KLHL28: variants seen among roughly 807,000 people sequenced by gnomAD.
The protein encoded by KLHL28 is kelch like family member 28, also known as kelch-like protein 28.
Under a neutral mutation model 48.3 loss-of-function variants are expected in KLHL28, and 22 were observed. The ratio of observed to expected loss-of-function variants is 0.46; its 90% CI spans 0.33 to 0.65. KLHL28 has a LOEUF of 0.65. Among genes scored for constraint, KLHL28 ranks in the 30% least tolerant of loss-of-function variants. KLHL28 has a pLI of 0.03. For missense variants in KLHL28, 527 were observed against 704.3 expected (o/e 0.75, Z 2.85); for synonymous variants, 243 against 242.4 (o/e 1.00, Z -0.02).
At chr14:44,937,124 ATTGTTTTTTTTGT>A (rs1566565754) in intron 2 of KLHL28, among the ~76,000 whole-genome samples, 1 of 151,306 alleles carries the variant, frequency 6.6e-6, no homozygotes, top group East Asian at 1.9e-4. Flanking sequence ...TCAGAATTGA[ATTGTTTTTTTTGT>A]TTGTTTTTTT....
chr14:44,960,957 A>C, intron 1 of KLHL28: 1 of 1,418,574 alleles, frequency 7.0e-7, no homozygotes. Context: ...GATAACTTAG[A>C]CTTTTCGCAC....
chr14:44,929,452 C>A (rs1883493081), intron 4 of KLHL28, among the ~76,000 whole-genome samples: 1 of 152,140 alleles, frequency 6.6e-6, no homozygotes, highest in African/African-American at 2.4e-5. Flanking sequence ...ATCCACATAA[C>A]TTTTATTACA....
At position 44,925,349 on chromosome 14, in the gene KLHL28, T is replaced by C. The variant is rs1426302858; in HGVS notation, c.*3679A>G. On this transcript the variant is annotated 3_prime_UTR_variant, in exon 5 of 5. Transcript: ENST00000396128. ...GTCTTGATACTACAGGAAATATATATATTTAAAATTTCTATAGTTTTCTTA... is the reference window on the plus strand; with the variant it reads ...GTCTTGATACTACAGGAAATATATACATTTAAAATTTCTATAGTTTTCTTA... 6.6e-6 allele frequency: 1 copy of C among 152,156 alleles called. No homozygotes were observed. The highest frequency in any genetic ancestry group is 2.4e-5 in the African/African-American group (1 of 41,468). The allele number at this position is 152,156 out of a possible 1,614,324, so 9.4% of individuals were successfully genotyped here. A position where few individuals can be genotyped will look rare whatever the true frequency, so the allele number is the denominator to read the frequency against.
chr14:44,935,173 T>C (rs1883756271), intron 2 of KLHL28, among the ~76,000 whole-genome samples: 1 of 152,180 alleles, frequency 6.6e-6, no homozygotes, highest in South Asian at 2.1e-4. Flanking sequence ...TACATGTCGC[T>C]GGGGGAATCT....
At chr14:44,931,143 G>A (rs1472570549) in intron 4 of KLHL28, among the ~76,000 whole-genome samples, 190 bp downstream of exon 4, 1 of 151,260 alleles carries the variant, frequency 6.6e-6, no homozygotes, top group Non-Finnish European at 1.5e-5. Flanking sequence ...GCATATAAAA[G>A]TCACAATAAA....
At chr14:44,944,718 CAAAT>C (rs1884247667) in intron 2 of KLHL28, among the ~76,000 whole-genome samples, 1 of 151,282 alleles carries the variant, frequency 6.6e-6, no homozygotes. Context: ...TGGTCTGACT[CAAAT>C]AAACATGTAA....
intron 1 of KLHL28, among the ~76,000 whole-genome samples, chr14:44,948,507 A>G (rs890121852): frequency 6.6e-6 from 1 of 152,270 alleles, no homozygotes; most frequent in East Asian, 1.9e-4. Context: ...CATTCATAAA[A>G]TAAGAATACC....
At position 44,952,913 on chromosome 14, in the gene KLHL28, A is replaced by C. The variant is rs201928552; in HGVS notation, c.1-6985T>G. On this transcript the variant is annotated intron_variant, in intron 1 of 4. Transcript: ENST00000396128. Reference sequence around the variant, plus strand: ...GAAGGGTAAGTACCATAAAAAAAAAAAAAACAAACACAGGAAAGAACAGGG... The same window carrying C: ...GAAGGGTAAGTACCATAAAAAAAAACAAAACAAACACAGGAAAGAACAGGG... Among the ~76,000 whole-genome samples, 17 of 152,280 alleles carry C rather than the reference A, an allele frequency of 1.1e-4. No individual in the cohort carries two copies. In the East Asian group the frequency reaches 3.1e-3, roughly 28 times the overall value.
intron 2 of KLHL28, among the ~76,000 whole-genome samples, chr14:44,944,409 T>A (rs1400325260): frequency 6.6e-6 from 1 of 152,184 alleles, no homozygotes; most frequent in Non-Finnish European, 1.5e-5. Context: ...GCTCACAAAG[T>A]CTAAAATATT....
rs1284267372 is a variant in KLHL28 at position 44,925,459 on chromosome 14, A to AGC, written c.*3568_*3569insGC. 2.0e-5 allele frequency: 3 copies of AGC among 152,038 alleles called. No homozygotes were observed. The highest frequency in any genetic ancestry group is 7.2e-5 in the African/African-American group (3 of 41,430). 9.4% of individuals were successfully genotyped at this position (152,038 alleles called of 1,614,324 possible). On this transcript the variant is annotated 3_prime_UTR_variant, in exon 5 of 5. Coordinates refer to ENST00000396128, the MANE Select transcript of KLHL28 (RefSeq NM_017658.5). ...AATATTTCTTTTTCATGCCAATAAA[A>AGC]CCTAATTGGACACTAAGGAATTGCT...
intron 1 of KLHL28, among the ~76,000 whole-genome samples, chr14:44,949,264 C>T (rs1356897065): frequency 3.3e-5 from 5 of 151,784 alleles, no homozygotes; most frequent in African/African-American, 7.3e-5. Flanking sequence ...TTGTGAATAC[C>T]GATAAGAAGA....
rs527800895 is a variant in KLHL28 at position 44,925,792 on chromosome 14, A to G, written c.*3236T>C. 1 of 152,318 alleles carries G rather than the reference A, an allele frequency of 6.6e-6. No individual in the cohort carries two copies. Among genetic ancestry groups the G allele is most frequent in the Admixed American group, 6.5e-5 (1 of 15,300 alleles). The allele number at this position is 152,318 out of a possible 1,614,324, so 9.4% of individuals were successfully genotyped here. ...AACAATAACAGCAATAACACAATTT[A>G]TAAATATCCTTGGAGCTACATTAAA... On this transcript the variant is annotated 3_prime_UTR_variant, in exon 5 of 5. Transcript: ENST00000396128.
intron 1 of KLHL28, among the ~76,000 whole-genome samples, chr14:44,946,226 T>C (rs1884330557): frequency 6.6e-6 from 1 of 152,154 alleles, no homozygotes; most frequent in Non-Finnish European, 1.5e-5. Context: ...TTTACCAACT[T>C]TTTCATTTTG....
intron 3 of KLHL28, among the ~76,000 whole-genome samples, chr14:44,931,793 C>A (rs1185045954): frequency 2.0e-5 from 3 of 152,212 alleles, no homozygotes; most frequent in East Asian, 3.9e-4. Flanking sequence ...GAGCATAGAA[C>A]TTGGAGTCAG....
At position 44,945,082 on chromosome 14, in the gene KLHL28, T is replaced by C; in HGVS notation, c.847A>G (p.Lys283Glu). The change falls in exon 2 of 5, where the codon AAA (lysine) becomes GAA (glutamate). Residue 283 changes from lysine to glutamate, a missense_variant. By Grantham distance (56) the Lys-to-Glu change is moderately conservative. Coordinates refer to ENST00000396128, the MANE Select transcript of KLHL28 (RefSeq NM_017658.5). ...TTCCCTCCTACTGCACAAAGTACTTTGGGAGCACAGCGAGGTCGTGTCATC... is the reference window on the plus strand; with the variant it reads ...TTCCCTCCTACTGCACAAAGTACTTCGGGAGCACAGCGAGGTCGTGTCATC... Reference protein sequence around the residue: ...VLMTRPRCAPKVLCAVGGKSG... With the variant: ...VLMTRPRCAPEVLCAVGGKSG... 6.2e-7 allele frequency: 1 copy of C among 1,613,904 alleles called. No individual in the cohort carries two copies. The highest frequency in any genetic ancestry group is 1.3e-5 in the African/African-American group (1 of 75,018).
chr14:44,959,334 T>C (rs893774102), intron 1 of KLHL28: 2 of 152,260 alleles, frequency 1.3e-5, no homozygotes, highest in Admixed American at 6.5e-5. Flanking sequence ...TAATATTTAC[T>C]AAGTACCTAG....
intron 1 of KLHL28, among the ~76,000 whole-genome samples, chr14:44,958,679 C>T (rs1884904257): frequency 6.6e-6 from 1 of 152,046 alleles, no homozygotes; most frequent in Admixed American, 6.6e-5. Flanking sequence ...GTGGTAATGA[C>T]TTTGAACTTG....
At chr14:44,941,628 C>CAAAAAA (rs1247926852) in intron 2 of KLHL28, among the ~76,000 whole-genome samples, 9 of 80,672 alleles carry the variant, frequency 1.1e-4, no homozygotes, top group African/African-American at 1.7e-4. Flanking sequence ...AACTCTGTCT[C>CAAAAAA]AAAAAAAAAA....
At chr14:44,953,324 T>C (rs1171956607) in intron 1 of KLHL28, among the ~76,000 whole-genome samples, 2 of 152,162 alleles carry the variant, frequency 1.3e-5, no homozygotes, top group Non-Finnish European at 2.9e-5. Context: ...GGTATATATA[T>C]GAAAAATGTA....
Sources: allele counts gnomAD v4.1 joint callset (sites outside exome capture counted in the v4.1 genomes callset), GRCh38; gene constraint gnomAD v4.1.1; transcripts MANE v1.5; gene names NCBI Gene and HGNC (gene_info 2026-07-23, HGNC 2026-07-21).